ADAMTSL1: variants seen among roughly 807,000 people sequenced by gnomAD.
ADAMTSL1 encodes ADAMTS like 1.
A neutral mutation model predicts 201.8 loss-of-function variants in ADAMTSL1; 126 were observed. The ratio of observed to expected loss-of-function variants is 0.62; its 90% CI spans 0.54 to 0.72. The LOEUF is 0.72. ADAMTSL1 is among the 30% of genes least tolerant of loss of function. The pLI, the probability that ADAMTSL1 is intolerant of heterozygous loss-of-function variation, is 0.00. For synonymous variants in ADAMTSL1, 1,121 were observed against 903.4 expected, an observed-to-expected ratio of 1.24 and a Z score of -4.32; for missense variants, 2,679 against 2,277.8, an observed-to-expected ratio of 1.18 and a Z score of -3.59.
At chr9:18,356,291 C>G (rs1836223394) in intron 2 of ADAMTSL1, among the ~76,000 whole-genome samples, 1 of 152,084 alleles carries the variant, frequency 6.6e-6, no homozygotes, top group Non-Finnish European at 1.5e-5. Context: ...GACCAGCAGG[C>G]TGTTCTTTCA....
intron 3 of ADAMTSL1, among the ~76,000 whole-genome samples, chr9:18,570,261 A>G (rs573987732): frequency 2.0e-5 from 3 of 152,058 alleles, no homozygotes; most frequent in South Asian, 2.1e-4. Context: ...CCACAAAAGG[A>G]TCAGGAAGTA....
At chr9:18,826,743 C>CAGG in intron 22 of ADAMTSL1, among the ~76,000 whole-genome samples, 1 of 152,296 alleles carries the variant, frequency 6.6e-6, no homozygotes, top group South Asian at 2.1e-4. Context: ...AGACTCCAGA[C>CAGG]AGGAGGATTG....
intron 20 of ADAMTSL1, among the ~76,000 whole-genome samples, chr9:18,798,477 G>A (rs927651467): frequency 6.6e-6 from 1 of 152,198 alleles, no homozygotes; most frequent in Non-Finnish European, 1.5e-5. Flanking sequence ...CTCAATATTT[G>A]TTAGCTATTA....
intron 2 of ADAMTSL1, among the ~76,000 whole-genome samples, chr9:18,190,338 C>A (rs551973831): frequency 1.3e-5 from 2 of 152,244 alleles, no homozygotes; most frequent in African/African-American, 2.4e-5. Flanking sequence ...AATCCTTGAC[C>A]ATTTAAATGG....
chr9:18,405,036 G>T (rs1818130771), intron 2 of ADAMTSL1, among the ~76,000 whole-genome samples: 1 of 151,860 alleles, frequency 6.6e-6, no homozygotes, highest in South Asian at 2.1e-4. Flanking sequence ...TTTATTTCCA[G>T]CGCTAGACCT....
intron 2 of ADAMTSL1, among the ~76,000 whole-genome samples, chr9:18,407,550 G>A (rs1342395040): frequency 6.6e-6 from 1 of 152,074 alleles, no homozygotes; most frequent in Non-Finnish European, 1.5e-5. Context: ...AGGAAGCCAG[G>A]GTAAAGCAAT....
intron 2 of ADAMTSL1, among the ~76,000 whole-genome samples, chr9:18,419,666 A>G (rs1428945128): frequency 6.6e-6 from 1 of 152,156 alleles, no homozygotes; most frequent in African/African-American, 2.4e-5. Flanking sequence ...ATAAATCTCG[A>G]AAGTATGCTG....
At chr9:18,631,922 T>C (rs762700339) in intron 5 of ADAMTSL1, among the ~76,000 whole-genome samples, 32 of 152,144 alleles carry the variant, frequency 2.1e-4, no homozygotes, top group South Asian at 8.3e-4. Context: ...GAATTGTTGA[T>C]TAATAAGCTA....
intron 1 of ADAMTSL1, among the ~76,000 whole-genome samples, chr9:18,122,780 T>G (rs1204605421): frequency 6.6e-6 from 1 of 152,066 alleles, no homozygotes; most frequent in African/African-American, 2.4e-5. Flanking sequence ...CAGGTTGGTT[T>G]TTTGTTTTTG....
intron 2 of ADAMTSL1, among the ~76,000 whole-genome samples, chr9:18,196,837 C>A (rs563944709): frequency 2.6e-5 from 4 of 152,194 alleles, no homozygotes; most frequent in African/African-American, 9.6e-5. Context: ...CTGAATTGCT[C>A]TCTATTCCTG....
intron 1 of ADAMTSL1, among the ~76,000 whole-genome samples, chr9:18,097,738 A>G (rs1448094628): frequency 2.6e-5 from 4 of 152,156 alleles, no homozygotes; most frequent in Admixed American, 2.6e-4. Context: ...CTTTTGTGAG[A>G]CTTTTACAGA....
chr9:18,793,719 ATAAACTGTCAACCTAAAG>A (rs1822193362), intron 19 of ADAMTSL1, among the ~76,000 whole-genome samples: 1 of 152,188 alleles, frequency 6.6e-6, no homozygotes, highest in Admixed American at 6.5e-5. Context: ...GTGCTATCAA[ATAAACTGTCAACCTAAAG>A]TACCTGTCAG....
At chr9:18,263,487 T>C (rs1181420324) in intron 2 of ADAMTSL1, among the ~76,000 whole-genome samples, 1 of 152,206 alleles carries the variant, frequency 6.6e-6, no homozygotes, top group Non-Finnish European at 1.5e-5. Flanking sequence ...CCCTCTACAG[T>C]CTTCTTTGGT....
chr9:18,226,031 G>C (rs1411465542), intron 2 of ADAMTSL1, among the ~76,000 whole-genome samples: 1 of 151,970 alleles, frequency 6.6e-6, no homozygotes, highest in African/African-American at 2.4e-5. Context: ...TAGGAATTTA[G>C]GTTAGTTCCT....
intron 2 of ADAMTSL1, among the ~76,000 whole-genome samples, chr9:18,303,913 CT>C (rs1473101351): frequency 6.6e-6 from 1 of 152,016 alleles, no homozygotes; most frequent in Admixed American, 6.6e-5. Flanking sequence ...CTTTCACTTC[CT>C]CCTTTCTCTG....
chr9:18,674,860 T>A (rs1473635377), intron 9 of ADAMTSL1, among the ~76,000 whole-genome samples: 1 of 152,144 alleles, frequency 6.6e-6, no homozygotes, highest in Non-Finnish European at 1.5e-5. Context: ...CCACTCTTGA[T>A]GAAGGTGCTG....
At chr9:18,272,983 G>C (rs1421490224) in intron 2 of ADAMTSL1, among the ~76,000 whole-genome samples, 1 of 152,110 alleles carries the variant, frequency 6.6e-6, no homozygotes. Context: ...GTAACAGTGG[G>C]GGAGAATAAT....
chr9:17,950,764 T>C (rs969565851), intron 1 of ADAMTSL1, among the ~76,000 whole-genome samples: 1 of 152,142 alleles, frequency 6.6e-6, no homozygotes, highest in East Asian at 1.9e-4. Context: ...GGCACACTCA[T>C]GCTGGGTAAC....
intron 23 of ADAMTSL1, among the ~76,000 whole-genome samples, chr9:18,871,908 G>GTCTTCAGGCA (rs1485904928): frequency 1.1e-4 from 16 of 152,214 alleles, no homozygotes; most frequent in African/African-American, 3.6e-4. Context: ...GTCTTCAGGC[G>GTCTTCAGGCA]TCTTCAGGCA....
Sources: gnomAD v4.1 joint callset for allele counts (sites outside exome capture counted in the v4.1 genomes callset) on GRCh38, gnomAD v4.1.1 for gene constraint, MANE v1.5 for transcripts, NCBI Gene and HGNC (gene_info 2026-07-23, HGNC 2026-07-21) for gene names.